Variants in PCDHA3 observed in about 807,000 individuals in gnomAD.
The protein encoded by PCDHA3 is protocadherin alpha 3.
Under a neutral mutation model 62.2 loss-of-function variants are expected in PCDHA3, and 41 were observed. The observed-to-expected ratio is 0.66, with a 90% confidence interval of 0.51 to 0.86. The LOEUF is 0.86. Among genes scored for constraint, PCDHA3 ranks in the 40% least tolerant of loss-of-function variants. The pLI is 0.00. For synonymous variants in PCDHA3, 640 were observed against 555.4 expected (o/e 1.15, Z -2.14); for missense variants, 1,304 against 1,241.2 (o/e 1.05, Z -0.76).
intron 1 of PCDHA3, among the ~76,000 whole-genome samples, chr5:140,897,173 G>A (rs1212341088): frequency 6.6e-6 from 1 of 151,926 alleles, no homozygotes; most frequent in East Asian, 1.9e-4. Context: ...CTATCTCCAT[G>A]GGTTCAAAAA....
intron 1 of PCDHA3, chr5:140,929,943 A>G (rs996777609): frequency 1.3e-5 from 2 of 152,224 alleles, no homozygotes; most frequent in African/African-American, 4.8e-5. Flanking sequence ...TCTCTAGCCT[A>G]TACTTTTAAT....
chr5:140,881,097 A>G (rs1179635604), intron 1 of PCDHA3, among the ~76,000 whole-genome samples: 1 of 152,262 alleles, frequency 6.6e-6, no homozygotes, highest in Non-Finnish European at 1.5e-5. Flanking sequence ...TTTTCATTAC[A>G]CCATTTGGCC....
intron 1 of PCDHA3, among the ~76,000 whole-genome samples, chr5:140,917,405 T>C (rs2153543748): frequency 6.6e-6 from 1 of 152,162 alleles, no homozygotes; most frequent in South Asian, 2.1e-4. Flanking sequence ...AGCTCTTTAG[T>C]TTAATTAGGC....
rs140457638 is a variant in PCDHA3, at chr5:140,883,730, G to T, written c.2394+80139G>T. On this transcript the variant is annotated intron_variant, in intron 1 of 3. Coordinates refer to ENST00000522353, the MANE Select transcript of PCDHA3 (RefSeq NM_018906.3). ...TCAGGACGCGGACGCACAGGAGAAC[G>T]CGCTGGTCTCCTACTCGCTGGTGGA... 4.3e-6 allele frequency: 7 copies of T among 1,613,530 alleles called. No homozygotes were observed. The East Asian group carries it at 1.6e-4, about 36-fold the overall frequency.
intron 1 of PCDHA3, chr5:140,836,120 G>A (rs2150253260): frequency 1.2e-6 from 2 of 1,613,746 alleles, no homozygotes. Flanking sequence ...CAGTGAGAGA[G>A]CTTGTGCCGC....
At chr5:140,824,414 T>C (rs1768113861) in intron 1 of PCDHA3, 3 of 519,586 alleles carry the variant, frequency 5.8e-6, no homozygotes, top group Admixed American at 7.5e-5. Flanking sequence ...AAGACATAGT[T>C]TGGAGTCATT....
At chr5:140,835,822 G>A (rs2150245895) in intron 1 of PCDHA3, 5 of 1,612,688 alleles carry the variant, frequency 3.1e-6, no homozygotes, top group South Asian at 2.2e-5. Context: ...GTGTCGGCGG[G>A]GGACGCGGAC....
At chr5:140,873,957 A>C (rs993299790) in intron 1 of PCDHA3, among the ~76,000 whole-genome samples, 7 of 152,236 alleles carry the variant, frequency 4.6e-5, no homozygotes, top group Non-Finnish European at 7.3e-5. Flanking sequence ...CACTGAGCCC[A>C]GCCTATTTTT....
At chr5:140,905,333 T>A (rs180881008) in intron 1 of PCDHA3, among the ~76,000 whole-genome samples, 2 of 152,324 alleles carry the variant, frequency 1.3e-5, no homozygotes, top group Admixed American at 1.3e-4. Flanking sequence ...TTGTTGAAGA[T>A]CAGTTGGCTG....
intron 1 of PCDHA3, chr5:140,842,186 G>A (rs2150331306): frequency 1.3e-5 from 21 of 1,613,692 alleles, no homozygotes; most frequent in Middle Eastern, 1.6e-4. Flanking sequence ...TGAAACTATG[G>A]TTATTGACCA....
At position 140,951,559 on chromosome 5, in the gene PCDHA3, G is replaced by A. The variant is rs545470803; in HGVS notation, c.2395-27390G>A. On this transcript the variant is annotated intron_variant, in intron 1 of 3. Transcript: ENST00000522353. ...AGCAAGGGACGGGGGGAAGTGCTAC[G>A]CACTTTTAAACAACCAGATTTCACG... 1.6e-4 allele frequency among the ~76,000 whole-genome samples: 25 copies of A among 152,040 alleles called. No individual in the cohort carries two copies. The South Asian group carries it at 5.2e-3, about 32-fold the overall frequency.
chr5:140,913,463 G>C (rs1230048611), intron 1 of PCDHA3, among the ~76,000 whole-genome samples: 4 of 151,500 alleles, frequency 2.6e-5, no homozygotes, highest in African/African-American at 2.4e-5. Flanking sequence ...TATTTACTTG[G>C]GTCTTCTCTC....
chr5:140,968,923 T>G lies in PCDHA3; in HGVS notation c.2395-10026T>G, dbSNP rs140504777. The G allele has an allele frequency of 2.9e-3, 4,668 of 1,614,212 alleles. 4 individuals are homozygous for G. Among genetic ancestry groups the G allele is most frequent in the Non-Finnish European group, 3.3e-3 (3,916 of 1,180,046 alleles). ...CATTAAGCACAGTGTCTTTTATATT[T>G]CTTTTGACAATCATCATTTTGAGCA... On this transcript the variant is annotated intron_variant, in intron 1 of 3. Coordinates refer to ENST00000522353, the MANE Select transcript of PCDHA3 (RefSeq NM_018906.3).
chr5:140,868,199 A>G (rs1367327575), intron 1 of PCDHA3: 2 of 152,150 alleles, frequency 1.3e-5, no homozygotes, highest in East Asian at 1.9e-4. Flanking sequence ...TATGGCTTAC[A>G]TTAGAAATAA....
chr5:140,869,553 G>A (rs1554163226), intron 1 of PCDHA3: 1 of 1,614,056 alleles, frequency 6.2e-7, no homozygotes, highest in African/African-American at 1.3e-5. Flanking sequence ...AATCGGACTC[G>A]CGTTTTCCAC....
chr5:140,805,386 G>C, intron 1 of PCDHA3: 1 of 1,098,296 alleles, frequency 9.1e-7, no homozygotes, highest in Non-Finnish European at 1.1e-6. Flanking sequence ...AAGTACTCTG[G>C]TTTCTGTTTG....
intron 1 of PCDHA3, among the ~76,000 whole-genome samples, chr5:140,963,787 A>G (rs155812): frequency 0.31 from 47,834 of 152,128 alleles, 7,882 homozygotes; most frequent in East Asian, 0.53. Context: ...AACAACAACA[A>G]TAATGTACTT....
chr5:140,897,877 C>T (rs1554187641), intron 1 of PCDHA3, among the ~76,000 whole-genome samples: 1 of 152,154 alleles, frequency 6.6e-6, no homozygotes, highest in Non-Finnish European at 1.5e-5. Flanking sequence ...TAATGATTGC[C>T]ATTCTAACTG....
intron 1 of PCDHA3, chr5:140,842,983 C>G (rs2150349153): frequency 6.3e-7 from 1 of 1,594,998 alleles, no homozygotes; most frequent in Non-Finnish European, 8.6e-7. Flanking sequence ...TGCAGGTGTT[C>G]GTGCTGGACG....
Sources: gnomAD v4.1 joint callset for allele counts (sites outside exome capture counted in the v4.1 genomes callset) on GRCh38, gnomAD v4.1.1 for gene constraint, MANE v1.5 for transcripts, NCBI Gene and HGNC (gene_info 2026-07-23, HGNC 2026-07-21) for gene names.